The following ZNF317 variants were observed in gnomAD, a reference collection of about 807,000 sequenced individuals.
ZNF317 encodes zinc finger protein 317, also known as KRAB-containing zinc finger protein 317.
A neutral mutation model predicts 23.4 loss-of-function variants in ZNF317; 17 were observed. That is an observed-to-expected ratio of 0.73 (90% CI 0.50 to 1.09). The LOEUF (loss-of-function observed/expected upper bound fraction) is 1.09, where lower values mean the gene tolerates loss of function less well. ZNF317 is among the 50% of genes least tolerant of loss of function. The pLI is 0.00. For synonymous variants in ZNF317, 317 were observed against 314.9 expected, an observed-to-expected ratio of 1.01 and a Z score of -0.07; for missense variants, 679 against 796.7, an observed-to-expected ratio of 0.85 and a Z score of 1.78.
chr19:9,156,972 G>T (rs1199050610), intron 3 of ZNF317: 2 of 659,392 alleles, frequency 3.0e-6, no homozygotes, highest in Non-Finnish European at 5.0e-6. Flanking sequence ...TCAGGCCCTT[G>T]CTCAGCCCCA....
chr19:9,159,547 T>TG (rs2050823808), intron 6 of ZNF317, among the ~76,000 whole-genome samples: 1 of 147,916 alleles, frequency 6.8e-6, no homozygotes. Flanking sequence ...TTGTTTTTGT[T>TG]TTTTGTTTTT....
intron 1 of ZNF317, among the ~76,000 whole-genome samples, chr19:9,143,752 T>A (rs2145938346): frequency 6.6e-6 from 1 of 151,982 alleles, no homozygotes; most frequent in African/African-American, 2.4e-5. Flanking sequence ...CCCCTTTTTT[T>A]TTTTTAATTT....
Position 9,140,483 on chromosome 19 carries a change from G to C in ZNF317, c.-202G>C, listed in dbSNP as rs530349595. 14 of 456,218 alleles carry C rather than the reference G, an allele frequency of 3.1e-5. No homozygotes were observed. The highest frequency in any genetic ancestry group is 2.4e-4 in the African/African-American group (12 of 50,168). The allele number at this position is 456,218 out of a possible 1,614,324, so 28.3% of individuals were successfully genotyped here. On this transcript the variant is annotated 5_prime_UTR_variant, in exon 1 of 7. Transcript: ENST00000247956. ...GGTCAGCGGCGAATTCTTTCGGCCT[G>C]TTGGGGACCCCTCGTGTCCCCACGC... is the stretch of plus-strand genomic sequence containing the variant.
At chr19:9,146,318 T>C (rs914821201) in intron 1 of ZNF317, among the ~76,000 whole-genome samples, 2 of 151,898 alleles carry the variant, frequency 1.3e-5, no homozygotes, top group Non-Finnish European at 2.9e-5. Flanking sequence ...GATTTACTAA[T>C]GTAATGCATT....
chr19:9,154,487 G>A lies in ZNF317; in HGVS notation c.-92-1438G>A, dbSNP rs555902269. Among the ~76,000 whole-genome samples, 17 of 151,854 alleles carry A rather than the reference G, an allele frequency of 1.1e-4. No individual in the cohort carries two copies. In the South Asian group the frequency reaches 1.7e-3, roughly 15 times the overall value. On this transcript the variant is annotated intron_variant, in intron 1 of 6. Coordinates refer to ENST00000247956, the MANE Select transcript of ZNF317 (RefSeq NM_020933.5). ...GACATTATATTGTTGGAATCAGAGC[G>A]TTTCTTGTGTGTCCAGTTTCTTTTG...
At chr19:9,154,135 T>TTGTC (rs111278666) in intron 1 of ZNF317, among the ~76,000 whole-genome samples, 51,504 of 151,796 alleles carry the variant, frequency 0.34, 9,823 homozygotes, top group African/African-American at 0.53. Context: ...AGACATCTCT[T>TTGTC]TGTCATAGAA....
chr19:9,161,301 C>CA lies in ZNF317; in HGVS notation c.1657dup (p.Thr553AsnfsTer64). ...ACCTGAATGTGCACAGGCGGATCCACACCGGGGAGAAGCCCTACGAATGCC... is the reference window on the plus strand; with the variant it reads ...ACCTGAATGTGCACAGGCGGATCCACAACCGGGGAGAAGCCCTACGAATGCC... On this transcript the variant is annotated frameshift_variant, in exon 7 of 7. Coordinates refer to ENST00000247956, the MANE Select transcript of ZNF317 (RefSeq NM_020933.5). LOFTEE classifies it low-confidence loss of function (END_TRUNC). The surrounding 1 kb of genome is among the most constrained non-coding windows in gnomAD (Gnocchi z 4.0). The CA allele has an allele frequency of 3.1e-6, 5 of 1,613,936 alleles. No homozygotes were observed. The highest frequency in any genetic ancestry group is 4.2e-6 in the Non-Finnish European group (5 of 1,179,832).
At chr19:9,157,696 T>TAA in intron 4 of ZNF317, 1 of 461,224 alleles carries the variant, frequency 2.2e-6, no homozygotes, top group African/African-American at 3.4e-5. Context: ...TTTTTTTTTT[T>TAA]TTTTTTATTT....
chr19:9,150,464 C>G (rs12462070), intron 1 of ZNF317, among the ~76,000 whole-genome samples: 36,763 of 151,950 alleles, frequency 0.24, 4,913 homozygotes, highest in African/African-American at 0.37. Flanking sequence ...TCTACTGAGG[C>G]CTCAGGGACA....
chr19:9,147,344 T>G (rs1340564499), intron 1 of ZNF317, among the ~76,000 whole-genome samples: 2 of 141,022 alleles, frequency 1.4e-5, no homozygotes, highest in African/African-American at 5.3e-5. Flanking sequence ...TTTTTTTTTT[T>G]TTTTTTTTTT....
In ZNF317 at chr19:9,161,164, T is replaced by G. The variant is rs769750079; in HGVS notation, c.1519T>G (p.Cys507Gly). ...LVKKRVECRQCGKAFRNQSTL... is the reference protein window; with the variant it reads ...LVKKRVECRQGGKAFRNQSTL... ...AAAGAAACGAGTTGAGTGTAGGCAG[T>G]GTGGCAAGGCCTTCAGGAACCAGTC... The change falls in exon 7 of 7, where the codon TGT becomes GGT. Residue 507 changes from cysteine to glycine, a missense_variant. Cys to Gly is a radical substitution (Grantham distance 159). Transcript: ENST00000247956. This position sits in a 1 kb window ranked among gnomAD's most constrained non-coding sequence, Gnocchi z 4.0. 1 of 1,614,146 alleles carries G rather than the reference T, an allele frequency of 6.2e-7. No individual in the cohort carries two copies. Among genetic ancestry groups the G allele is most frequent in the Non-Finnish European group, 8.5e-7 (1 of 1,180,030 alleles).
chr19:9,141,913 C>T (rs2050634404), intron 1 of ZNF317, among the ~76,000 whole-genome samples: 1 of 152,122 alleles, frequency 6.6e-6, no homozygotes, highest in African/African-American at 2.4e-5. Context: ...TCAAGCGGTT[C>T]TCCTGCCTCA....
chr19:9,161,267 T>C lies in ZNF317; in HGVS notation c.1622T>C (p.Ile541Thr), dbSNP rs1329264065. The change falls in exon 7 of 7, where the codon ATA (isoleucine) becomes ACA (threonine). Residue 541 changes from isoleucine to threonine, a missense_variant. Transcript: ENST00000247956. This position sits in a 1 kb window ranked among gnomAD's most constrained non-coding sequence, Gnocchi z 4.0. Reference protein sequence around the residue: ...ECDHCGKAFSIGSNLNVHRRI... With the variant: ...ECDHCGKAFSTGSNLNVHRRI... ...GATCACTGTGGGAAGGCCTTCAGCA[T>C]AGGCTCCAACCTGAATGTGCACAGG... is the stretch of plus-strand genomic sequence containing the variant. 6.2e-7 allele frequency: 1 copy of C among 1,613,268 alleles called. No homozygotes were observed. Among genetic ancestry groups the C allele is most frequent in the Non-Finnish European group, 8.5e-7 (1 of 1,179,666 alleles).
intron 1 of ZNF317, among the ~76,000 whole-genome samples, chr19:9,152,715 C>A (rs1328180937): frequency 6.6e-6 from 1 of 152,148 alleles, no homozygotes; most frequent in African/African-American, 2.4e-5. Context: ...CCATATATTA[C>A]AATGTAATAA....
At chr19:9,145,571 G>A (rs981291332) in intron 1 of ZNF317, among the ~76,000 whole-genome samples, 3 of 152,238 alleles carry the variant, frequency 2.0e-5, no homozygotes, top group East Asian at 1.9e-4. Context: ...TCTTTTTACC[G>A]TTGGTATTAT....
chr19:9,158,630 C>T (rs2050814410), intron 5 of ZNF317, among the ~76,000 whole-genome samples, 196 bp from the exon 6 acceptor site: 1 of 151,974 alleles, frequency 6.6e-6, no homozygotes. Flanking sequence ...TGAGCCACTG[C>T]ACCAGGCCTG....
intron 1 of ZNF317, among the ~76,000 whole-genome samples, chr19:9,151,907 C>T (rs1445082468): frequency 1.4e-4 from 18 of 128,806 alleles, no homozygotes; most frequent in South Asian, 2.4e-4. Context: ...TGGTCCTGGA[C>T]TTTTTTTTTT....
chr19:9,145,657 A>T (rs951278405), intron 1 of ZNF317, among the ~76,000 whole-genome samples: 1 of 152,220 alleles, frequency 6.6e-6, no homozygotes, highest in African/African-American at 2.4e-5. Flanking sequence ...ATCTACAGCC[A>T]CTATATTTTG....
At chr19:9,156,838 C>T in intron 3 of ZNF317, 90 bp downstream of exon 3, 1 of 1,484,252 alleles carries the variant, frequency 6.7e-7, no homozygotes, top group Non-Finnish European at 9.1e-7. Context: ...AGAGCTTCAT[C>T]TCAGCCAGTG....
Sources: allele counts gnomAD v4.1 joint callset (sites outside exome capture counted in the v4.1 genomes callset), GRCh38; gene constraint gnomAD v4.1.1; non-coding constraint Gnocchi (gnomAD v3.1); transcripts MANE v1.5; gene names NCBI Gene and HGNC (gene_info 2026-07-23, HGNC 2026-07-21).